RRAGD: variants seen among roughly 807,000 people sequenced by gnomAD.
RRAGD encodes ras-related GTP-binding protein D.
A neutral mutation model predicts 35.5 loss-of-function variants in RRAGD; 12 were observed. The observed-to-expected ratio is 0.34, with a 90% CI of 0.22 to 0.55. The LOEUF is 0.55. Ranked by LOEUF, RRAGD falls within the 20% of genes least tolerant of loss-of-function variation. The pLI is 0.91. For missense variants in RRAGD, 324 were observed against 490.1 expected, an observed-to-expected ratio of 0.66 and a Z score of 3.20; for synonymous variants, 155 against 178.9, an observed-to-expected ratio of 0.87 and a Z score of 1.07.
intron 1 of RRAGD, among the ~76,000 whole-genome samples, chr6:89,392,855 C>T (rs1447551563): frequency 1.3e-5 from 2 of 152,222 alleles, no homozygotes; most frequent in Admixed American, 6.5e-5. Flanking sequence ...ATAAGCAACT[C>T]CTCAGCCCCA....
Position 89,380,251 on chromosome 6 carries a change from G to T in RRAGD, c.561C>A (p.Asp187Glu), listed in dbSNP as rs761134664. ...TATCTCTTTGGGTTTCAATTTTGTG[G>T]TCATCTGACAGACCATCCACTTTAT... ...FIHKVDGLSD[D>E]HKIETQRDIH... Residue 187 changes from aspartate to glutamate, a missense_variant, in exon 3 of 7, where the codon GAC becomes GAA. Coordinates refer to ENST00000369415, the MANE Select transcript of RRAGD (RefSeq NM_021244.5). The T allele has an allele frequency of 6.2e-7, 1 of 1,614,196 alleles. No homozygotes were observed. Among genetic ancestry groups the T allele is most frequent in the Admixed American group, 1.7e-5 (1 of 60,032 alleles).
intron 6 of RRAGD, 60 bp downstream of exon 6, chr6:89,372,377 C>A: frequency 6.6e-7 from 1 of 1,513,656 alleles, no homozygotes; most frequent in Non-Finnish European, 8.9e-7. Flanking sequence ...ACAAACAATA[C>A]ATGCAGTAGC....
intron 1 of RRAGD, among the ~76,000 whole-genome samples, chr6:89,398,405 G>C (rs929545789): frequency 1.3e-5 from 2 of 152,220 alleles, no homozygotes; most frequent in Non-Finnish European, 2.9e-5. Context: ...AGTTATAGTT[G>C]CTCTGCTATC....
At chr6:89,400,769 T>C (rs1769444335) in intron 1 of RRAGD, among the ~76,000 whole-genome samples, 1 of 152,108 alleles carries the variant, frequency 6.6e-6, no homozygotes, top group Admixed American at 6.5e-5. Context: ...CATTACCCTC[T>C]GCCTCAGGCT....
At chr6:89,405,495 C>T (rs1479810048) in intron 1 of RRAGD, among the ~76,000 whole-genome samples, 2 of 151,986 alleles carry the variant, frequency 1.3e-5, no homozygotes, top group Non-Finnish European at 2.9e-5. Context: ...CATACATGTC[C>T]CCTTGCCCAT....
intron 1 of RRAGD, among the ~76,000 whole-genome samples, chr6:89,406,479 AG>A (rs1769581966): frequency 6.6e-6 from 1 of 151,828 alleles, no homozygotes; most frequent in African/African-American, 2.4e-5. Flanking sequence ...CATCGAGAGG[AG>A]TGGATTGGTG....
chr6:89,387,576 C>T lies in RRAGD; in HGVS notation c.163G>A (p.Asp55Asn). 6.2e-7 allele frequency: 1 copy of T among 1,612,594 alleles called. No individual in the cohort carries two copies. The highest frequency in any genetic ancestry group is 8.5e-7 in the Non-Finnish European group (1 of 1,179,118). ...GTEEGVLDFS[D>N]PFSTEVKPRI... ...GGCTTCACTTCAGTGCTGAAGGGGT[C>T]ACTGAAGTCCAGAACTGGAGAAACC... Residue 55 changes from aspartate to asparagine, a missense_variant, in exon 2 of 7, where the codon GAC becomes AAC. By Grantham distance (23) the Asp-to-Asn change is conservative (BLOSUM62 1). Transcript: ENST00000369415.
rs1056591659 is a variant in RRAGD at position 89,365,961 on chromosome 6, T to G, written c.*2095A>C. 3 of 152,166 alleles carry G rather than the reference T, an allele frequency of 2.0e-5. No individual in the cohort carries two copies. The highest frequency in any genetic ancestry group is 7.2e-5 in the African/African-American group (3 of 41,430). 9.4% of individuals were successfully genotyped at this position (152,166 alleles called of 1,614,324 possible). A position where few individuals can be genotyped will look rare whatever the true frequency, so the allele number is the denominator to read the frequency against. On this transcript the variant is annotated 3_prime_UTR_variant, in exon 7 of 7. Transcript: ENST00000369415. Reference sequence around the variant, plus strand: ...GATTTATAACAATAACCCCTAAGTGTCAGGTCTGTTGGCAAAGGTCCAACA... The same window carrying G: ...GATTTATAACAATAACCCCTAAGTGGCAGGTCTGTTGGCAAAGGTCCAACA...
chr6:89,410,078 G>C (rs985154183), intron 1 of RRAGD, among the ~76,000 whole-genome samples: 1 of 152,170 alleles, frequency 6.6e-6, no homozygotes, highest in Non-Finnish European at 1.5e-5. Context: ...GAAGCCCTTT[G>C]TTCCGGGAAT....
intron 1 of RRAGD, among the ~76,000 whole-genome samples, chr6:89,408,489 T>A (rs896018322): frequency 6.6e-5 from 10 of 152,180 alleles, no homozygotes; most frequent in African/African-American, 2.4e-4. Flanking sequence ...CCCAGTCCCT[T>A]CCCCACAAAA....
At chr6:89,388,077 C>T (rs1241667626) in intron 1 of RRAGD, among the ~76,000 whole-genome samples, 7 of 152,240 alleles carry the variant, frequency 4.6e-5, no homozygotes, top group Non-Finnish European at 8.8e-5. Flanking sequence ...CTCTCCCAAG[C>T]CACGAAGGCC....
At chr6:89,383,938 A>G (rs962212240) in intron 2 of RRAGD, among the ~76,000 whole-genome samples, 13 of 152,026 alleles carry the variant, frequency 8.6e-5, no homozygotes, top group Non-Finnish European at 1.6e-4. Context: ...CCTGGCCAAC[A>G]TTGTGAAATC....
intron 1 of RRAGD, among the ~76,000 whole-genome samples, chr6:89,408,685 G>T (rs949875969): frequency 1.3e-5 from 2 of 152,144 alleles, no homozygotes; most frequent in African/African-American, 4.8e-5. Flanking sequence ...CTGGACTGTG[G>T]GTGAGCAGCT....
chr6:89,410,125 T>A (rs1769665832), intron 1 of RRAGD, among the ~76,000 whole-genome samples: 1 of 152,116 alleles, frequency 6.6e-6, no homozygotes, highest in South Asian at 2.1e-4. Flanking sequence ...TCACTTCAAT[T>A]TCAAGTCCCC....
At chr6:89,384,771 G>A (rs1013079412) in intron 2 of RRAGD, among the ~76,000 whole-genome samples, 11 of 147,924 alleles carry the variant, frequency 7.4e-5, no homozygotes, top group East Asian at 2.0e-4. Flanking sequence ...CCAAGATGGC[G>A]CCACTGGACT....
Position 89,411,766 on chromosome 6 carries a change from C to A in RRAGD, c.148+80G>T. On this transcript the variant is annotated intron_variant, in intron 1 of 6. Coordinates refer to ENST00000369415, the MANE Select transcript of RRAGD (RefSeq NM_021244.5). The surrounding 1 kb of genome is among the most constrained non-coding windows in gnomAD (Gnocchi z 5.6). ...GGACCCCCTCCAAGTCGGTGGCTCGCGCACGGCCGGGCTGGGGGCGGGAAG... is the reference window on the plus strand; with the variant it reads ...GGACCCCCTCCAAGTCGGTGGCTCGAGCACGGCCGGGCTGGGGGCGGGAAG... 3.4e-6 allele frequency: 5 copies of A among 1,450,742 alleles called. No individual in the cohort carries two copies. In the South Asian group the frequency reaches 6.5e-5, roughly 19 times the overall value. The allele number at this position is 1,450,742 out of a possible 1,614,324, so 89.9% of individuals were successfully genotyped here.
intron 5 of RRAGD, 66 bp from the exon 6 acceptor site, chr6:89,372,651 C>T: frequency 3.4e-6 from 5 of 1,462,400 alleles, no homozygotes; most frequent in Non-Finnish European, 4.6e-6. Context: ...AAGCCAGTGA[C>T]AAGAGACCGG....
Position 89,372,519 on chromosome 6 carries a change from ATT to A in RRAGD, c.967_968del (p.Asn323TyrfsTer25). ...CCTCTTTTAAATAAAGCACGGTTGTATTATTAAGCTTTATGATGGCTGTGGAT... is the reference window on the plus strand; with the variant it reads ...CCTCTTTTAAATAAAGCACGGTTGTAATTAAGCTTTATGATGGCTGTGGAT... Reference protein sequence around the residue: ...KESTAIIKLNNTTVLYLKEVT... With the variant: ...KESTAIIKLNXTTVLYLKEVT... On this transcript the variant is annotated frameshift_variant, in exon 6 of 7. Coordinates refer to ENST00000369415, the MANE Select transcript of RRAGD (RefSeq NM_021244.5). LOFTEE classifies it high-confidence loss of function. 6.2e-7 allele frequency: 1 copy of A among 1,608,896 alleles called. No homozygotes were observed. The highest frequency in any genetic ancestry group is 8.5e-7 in the Non-Finnish European group (1 of 1,178,330).
At chr6:89,397,614 C>CA (rs924916547) in intron 1 of RRAGD, among the ~76,000 whole-genome samples, 2,480 of 133,166 alleles carry the variant, frequency 0.019, 74 homozygotes, top group African/African-American at 0.063. Context: ...AAAAAAAAAA[C>CA]AAAAAAAAAC....
Sources: allele counts gnomAD v4.1 joint callset (sites outside exome capture counted in the v4.1 genomes callset), GRCh38; gene constraint gnomAD v4.1.1; non-coding constraint Gnocchi (gnomAD v3.1); transcripts MANE v1.5; gene names NCBI Gene and HGNC (gene_info 2026-07-23, HGNC 2026-07-21).